UGT2A2: variants seen among roughly 807,000 people sequenced by gnomAD.
The protein encoded by UGT2A2 is UDP glucuronosyltransferase family 2 member A2.
A neutral mutation model predicts 50.7 loss-of-function variants in UGT2A2; 60 were observed. The ratio of observed to expected loss-of-function variants is 1.18; its 90% CI spans 0.96 to 1.47. The LOEUF (loss-of-function observed/expected upper bound fraction) is 1.47. Among genes scored for constraint, UGT2A2 ranks in the 40% most tolerant of loss-of-function variants. The pLI, the probability that UGT2A2 is intolerant of heterozygous loss-of-function variation, is 0.00. For missense variants in UGT2A2, 762 were observed against 634.0 expected (o/e 1.20, Z -2.17); for synonymous variants, 242 against 214.6 (o/e 1.13, Z -1.11).
intron 1 of UGT2A2, chr4:69,603,716 C>T (rs1719434961): frequency 7.4e-6 from 1 of 135,666 alleles, no homozygotes; most frequent in Admixed American, 7.3e-5. Flanking sequence ...GAAGAAAAGC[C>T]CTTAAAGGAC....
chr4:69,624,152 C>T (rs530282230), intron 1 of UGT2A2, among the ~76,000 whole-genome samples: 18 of 151,600 alleles, frequency 1.2e-4, no homozygotes, highest in Admixed American at 3.3e-4. Flanking sequence ...ACTTTCTTTA[C>T]GTTGATCCTC....
At chr4:69,612,414 G>A (rs1720118390) in intron 1 of UGT2A2, among the ~76,000 whole-genome samples, 1 of 151,866 alleles carries the variant, frequency 6.6e-6, no homozygotes, top group African/African-American at 2.4e-5. Flanking sequence ...AAATTTATAT[G>A]GAACCAAAAT....
At position 69,589,269 on chromosome 4, in the gene UGT2A2, G is replaced by A. The variant is rs1024602196; in HGVS notation, c.*103C>T. The stretch of plus-strand genomic sequence containing the variant: ...AATAGAAAATTTGGAAACAGGATGG[G>A]AGACGTGTTTTTGTTAAACTCCTTT... On this transcript the variant is annotated 3_prime_UTR_variant, in exon 6 of 6. Coordinates refer to ENST00000604629, the MANE Select transcript of UGT2A2 (RefSeq NM_001105677.2). 2.2e-6 allele frequency: 3 copies of A among 1,362,128 alleles called. No individual in the cohort carries two copies. The highest frequency in any genetic ancestry group is 5.8e-5 in the Admixed American group (2 of 34,566). The allele number at this position is 1,362,128 out of a possible 1,614,324, so 84.4% of individuals were successfully genotyped here. A position where few individuals can be genotyped will look rare whatever the true frequency, so the allele number is the denominator to read the frequency against.
At chr4:69,619,953 C>T (rs1318291240) in intron 1 of UGT2A2, among the ~76,000 whole-genome samples, 1 of 151,778 alleles carries the variant, frequency 6.6e-6, no homozygotes, top group Non-Finnish European at 1.5e-5. Context: ...TATGCAAAAA[C>T]TCAATAAACT....
intron 1 of UGT2A2, chr4:69,635,601 G>A (rs373758362): frequency 5.1e-5 from 9 of 176,194 alleles, no homozygotes; most frequent in East Asian, 1.9e-4. Context: ...AGGCCAAGGC[G>A]GGTGGATAAC....
intron 1 of UGT2A2, among the ~76,000 whole-genome samples, chr4:69,633,069 A>T (rs1007195888): frequency 6.6e-6 from 1 of 152,106 alleles, no homozygotes; most frequent in Admixed American, 6.6e-5. Flanking sequence ...AAAAGTGAGT[A>T]AGAATGAAGA....
chr4:69,626,892 AAATGGCTCC>A (rs1721091622), intron 1 of UGT2A2, among the ~76,000 whole-genome samples: 1 of 151,796 alleles, frequency 6.6e-6, no homozygotes, highest in Non-Finnish European at 1.5e-5. Flanking sequence ...TATTCTTTTG[AAATGGCTCC>A]ATCATTTCTG....
intron 1 of UGT2A2, among the ~76,000 whole-genome samples, chr4:69,627,577 A>G (rs1254801206): frequency 6.7e-6 from 1 of 148,718 alleles, no homozygotes; most frequent in Non-Finnish European, 1.5e-5. Flanking sequence ...AAAGAAAGAG[A>G]GAAAGAAAAA....
chr4:69,615,993 T>C (rs1002645984), intron 1 of UGT2A2, among the ~76,000 whole-genome samples: 2 of 152,000 alleles, frequency 1.3e-5, no homozygotes, highest in African/African-American at 2.4e-5. Flanking sequence ...ATAGCCAAGA[T>C]ATGGAATCAA....
intron 1 of UGT2A2, among the ~76,000 whole-genome samples, chr4:69,608,042 C>A (rs892015795): frequency 2.0e-5 from 3 of 152,120 alleles, no homozygotes; most frequent in African/African-American, 7.2e-5. Context: ...ATTAGAAATA[C>A]CATTTGATCC....
Position 69,589,306 on chromosome 4 carries a change from A to G in UGT2A2, c.*66T>C. 6.9e-7 allele frequency: 1 copy of G among 1,445,546 alleles called. No individual in the cohort carries two copies. The allele number at this position is 1,445,546 out of a possible 1,614,324, so 89.5% of individuals were successfully genotyped here. A position where few individuals can be genotyped will look rare whatever the true frequency, so the allele number is the denominator to read the frequency against. ...TGTTAAACTCCTTTTGTCTGGAATTAATAGGACTACACTACTCAGGATTTT... is the reference window on the plus strand; with the variant it reads ...TGTTAAACTCCTTTTGTCTGGAATTGATAGGACTACACTACTCAGGATTTT... On this transcript the variant is annotated 3_prime_UTR_variant, in exon 6 of 6. Coordinates refer to ENST00000604629, the MANE Select transcript of UGT2A2 (RefSeq NM_001105677.2).
rs1322744555 is a variant in UGT2A2, at chr4:69,603,298, G to GA, written c.743-3905dup. Among the ~76,000 whole-genome samples, 8 of 134,500 alleles carry GA rather than the reference G, an allele frequency of 5.9e-5. 2 individuals carry two copies. Among genetic ancestry groups the GA allele is most frequent in the African/African-American group, 9.1e-5 (3 of 33,074 alleles). The allele number at this position is 134,500 out of a possible 152,430, so 88.2% of individuals were successfully genotyped here. A position where few individuals can be genotyped will look rare whatever the true frequency, so the allele number is the denominator to read the frequency against. The stretch of plus-strand genomic sequence containing the variant: ...TATAAAGGAAAGCAGTTAAGATAGT[G>GA]AAAAAAAACAAAACCACTTATGTAA... On this transcript the variant is annotated intron_variant, in intron 1 of 5. Transcript: ENST00000604629.
At position 69,631,608 on chromosome 4, in the gene UGT2A2, A is replaced by G. The variant is rs1035592308; in HGVS notation, c.742+7291T>C. On this transcript the variant is annotated intron_variant, in intron 1 of 5. Coordinates refer to ENST00000604629, the MANE Select transcript of UGT2A2 (RefSeq NM_001105677.2). ...TTTGAGATGAGAAGCCATAACTTCA[A>G]TGTAGTCAGATATTTGTGTATCTAA... is the stretch of plus-strand genomic sequence containing the variant. 2.6e-5 allele frequency among the ~76,000 whole-genome samples: 4 copies of G among 152,210 alleles called. No homozygotes were observed. The East Asian group carries it at 7.7e-4, about 29-fold the overall frequency.
chr4:69,638,102 T>TA (rs1406221355), intron 1 of UGT2A2, among the ~76,000 whole-genome samples: 1 of 151,984 alleles, frequency 6.6e-6, no homozygotes, highest in Non-Finnish European at 1.5e-5. Flanking sequence ...AAAAGGTATG[T>TA]AAAAAAGTCT....
At position 69,588,589 on chromosome 4, in the gene UGT2A2, A is replaced by C. The variant is rs1365286614; in HGVS notation, c.*783T>G. The C allele has an allele frequency of 6.6e-6, 1 of 152,034 alleles. No individual in the cohort carries two copies. Among genetic ancestry groups the C allele is most frequent in the Non-Finnish European group, 1.5e-5 (1 of 67,984 alleles). 9.4% of individuals were successfully genotyped at this position (152,034 alleles called of 1,614,324 possible). ...TATAAAAATGATAATTATTTTCTAG[A>C]TTTCTAATTGTTATATCCTCTAAAT... On this transcript the variant is annotated 3_prime_UTR_variant, in exon 6 of 6. Coordinates refer to ENST00000604629, the MANE Select transcript of UGT2A2 (RefSeq NM_001105677.2).
chr4:69,637,619 T>C (rs971985918), intron 1 of UGT2A2, among the ~76,000 whole-genome samples: 1 of 152,168 alleles, frequency 6.6e-6, no homozygotes, highest in Non-Finnish European at 1.5e-5. Flanking sequence ...CCTGCTCTAT[T>C]TAAATATGCA....
intron 1 of UGT2A2, among the ~76,000 whole-genome samples, chr4:69,605,851 C>A (rs1177233488): frequency 7.3e-6 from 1 of 136,908 alleles, no homozygotes; most frequent in Non-Finnish European, 1.6e-5. Flanking sequence ...TTGACACGTA[C>A]ACCCTCCCAA....
At chr4:69,636,586 C>A (rs945544517) in intron 1 of UGT2A2, among the ~76,000 whole-genome samples, 1 of 152,064 alleles carries the variant, frequency 6.6e-6, no homozygotes, top group Non-Finnish European at 1.5e-5. Flanking sequence ...GCCTTTTTCA[C>A]ACTTATCTAA....
chr4:69,615,118 A>G lies in UGT2A2; in HGVS notation c.743-15724T>C, dbSNP rs544925510. On this transcript the variant is annotated intron_variant, in intron 1 of 5. Transcript: ENST00000604629. ...CCCTCCCCCAACATTTTGAATTACA[A>G]TTCAACATGAGATTTGGATGAGGAC... 2.0e-5 allele frequency among the ~76,000 whole-genome samples: 3 copies of G among 152,158 alleles called. No homozygotes were observed. The South Asian group carries it at 6.2e-4, about 32-fold the overall frequency.
Sources: allele counts gnomAD v4.1 joint callset (sites outside exome capture counted in the v4.1 genomes callset), GRCh38; gene constraint gnomAD v4.1.1; transcripts MANE v1.5; gene names NCBI Gene and HGNC (gene_info 2026-07-23, HGNC 2026-07-21).